Variants in COL21A1 observed in about 807,000 individuals in gnomAD.
The protein encoded by COL21A1 is collagen alpha-1(XXI) chain.
COL21A1 carries 149 observed loss-of-function variants against 137.9 expected under a neutral mutation model. That is an observed-to-expected ratio of 1.08 (90% CI 0.95 to 1.24). The LOEUF is 1.24. Among genes scored for constraint, COL21A1 ranks in the 50% most tolerant of loss-of-function variants. The pLI is 0.00. For synonymous variants in COL21A1, 456 were observed against 391.5 expected, an observed-to-expected ratio of 1.16 and a Z score of -1.95; for missense variants, 1,167 against 1,158.4, an observed-to-expected ratio of 1.01 and a Z score of -0.11.
intron 3 of COL21A1, 76 bp from the exon 4 acceptor site, chr6:56,171,204 C>G: frequency 1.0e-6 from 1 of 956,952 alleles, no homozygotes; most frequent in Non-Finnish European, 1.6e-6. Flanking sequence ...GGGAGAAATA[C>G]TAGACAATAT....
intron 1 of COL21A1, among the ~76,000 whole-genome samples, chr6:56,374,998 C>T (rs1447715121): frequency 6.6e-6 from 1 of 152,068 alleles, no homozygotes; most frequent in Non-Finnish European, 1.5e-5. Flanking sequence ...GTGTCACTGT[C>T]CCAGAGAACA....
intron 1 of COL21A1, among the ~76,000 whole-genome samples, chr6:56,203,794 C>CA (rs769973259): frequency 3.3e-5 from 5 of 152,216 alleles, no homozygotes; most frequent in Non-Finnish European, 5.9e-5. Context: ...ACTGGTTGGA[C>CA]AGTGGGTGCA....
At chr6:56,239,672 T>C (rs974226155) in intron 1 of COL21A1, among the ~76,000 whole-genome samples, 14 of 152,276 alleles carry the variant, frequency 9.2e-5, no homozygotes, top group Non-Finnish European at 1.6e-4. Flanking sequence ...GAGTTTACAA[T>C]TTGTTTGGAA....
At chr6:56,323,122 C>T (rs1041170905) in intron 1 of COL21A1, among the ~76,000 whole-genome samples, 4 of 151,962 alleles carry the variant, frequency 2.6e-5, no homozygotes, top group African/African-American at 7.2e-5. Flanking sequence ...TTTACCACTA[C>T]ACAATATATC....
intron 12 of COL21A1, among the ~76,000 whole-genome samples, chr6:56,127,517 G>A (rs1047641040): frequency 2.0e-5 from 3 of 152,002 alleles, no homozygotes; most frequent in African/African-American, 7.3e-5. Flanking sequence ...TCTTGTTTAG[G>A]GGAATATAAT....
chr6:56,278,306 T>A (rs1763714944), intron 1 of COL21A1, among the ~76,000 whole-genome samples: 1 of 152,224 alleles, frequency 6.6e-6, no homozygotes, highest in Non-Finnish European at 1.5e-5. Context: ...TTACACTTAA[T>A]GATCTCCAAA....
chr6:56,315,315 G>C (rs753866443), intron 1 of COL21A1, among the ~76,000 whole-genome samples: 1 of 152,142 alleles, frequency 6.6e-6, no homozygotes, highest in Non-Finnish European at 1.5e-5. Flanking sequence ...GAACACATAG[G>C]CTGACCAGTC....
chr6:56,080,734 A>T (rs1057368028), intron 17 of COL21A1, among the ~76,000 whole-genome samples: 1 of 151,998 alleles, frequency 6.6e-6, no homozygotes, highest in East Asian at 1.9e-4. Context: ...AATGGTAGAG[A>T]TATTTAATAT....
At chr6:56,276,848 G>A (rs1337654139) in intron 1 of COL21A1, 9 of 656,826 alleles carry the variant, frequency 1.4e-5, no homozygotes, top group East Asian at 2.9e-5. Context: ...TCGCTCTGTC[G>A]CCCAGGCTGG....
intron 1 of COL21A1, among the ~76,000 whole-genome samples, chr6:56,326,838 G>T (rs1272775071): frequency 6.6e-6 from 1 of 151,946 alleles, no homozygotes; most frequent in Non-Finnish European, 1.5e-5. Context: ...ACAATGGTGG[G>T]CAACACAGGA....
intron 10 of COL21A1, among the ~76,000 whole-genome samples, chr6:56,142,284 C>T (rs2076474): frequency 0.15 from 22,982 of 151,994 alleles, 1,765 homozygotes; most frequent in Middle Eastern, 0.23. Flanking sequence ...CTGGATTTAT[C>T]AGAAATACAT....
rs138875074 is a variant in COL21A1 at position 56,206,066 on chromosome 6, C to T, written c.-38-23410G>A. On this transcript the variant is annotated intron_variant, in intron 1 of 29. Transcript: ENST00000244728. ...AAAGACCATTGACACTATGAAGAAA[C>T]TGCATCAACTAACGGGCAAAATAAG... Among the ~76,000 whole-genome samples, 445 of 152,242 alleles carry T rather than the reference C, an allele frequency of 2.9e-3. 3 individuals are homozygous for T. The highest frequency in any genetic ancestry group is 0.01 in the African/African-American group (418 of 41,534).
At chr6:56,221,822 A>C (rs1160599935) in intron 1 of COL21A1, among the ~76,000 whole-genome samples, 1 of 152,152 alleles carries the variant, frequency 6.6e-6, no homozygotes, top group Admixed American at 6.6e-5. Context: ...TTCCATGGTA[A>C]TGCTTCTATT....
intron 7 of COL21A1, among the ~76,000 whole-genome samples, chr6:56,166,246 G>T (rs1050654905): frequency 6.6e-6 from 1 of 151,924 alleles, no homozygotes; most frequent in African/African-American, 2.4e-5. Flanking sequence ...ATTATATTAA[G>T]TATAATAATG....
intron 10 of COL21A1, among the ~76,000 whole-genome samples, chr6:56,143,042 G>C (rs1774539292): frequency 6.6e-6 from 1 of 151,988 alleles, no homozygotes; most frequent in Admixed American, 6.6e-5. Context: ...ACATTTTCAA[G>C]TATCCTTTCT....
At chr6:56,128,865 T>C (rs1773268354) in intron 12 of COL21A1, among the ~76,000 whole-genome samples, 1 of 151,982 alleles carries the variant, frequency 6.6e-6, no homozygotes, top group African/African-American at 2.4e-5. Flanking sequence ...CTGTTGGCCA[T>C]GGTGGTCTCA....
chr6:56,278,714 GCT>G, intron 1 of COL21A1, among the ~76,000 whole-genome samples: 1 of 152,164 alleles, frequency 6.6e-6, no homozygotes, highest in Middle Eastern at 3.2e-3. Context: ...AGAAAATGAG[GCT>G]CATGGCAGCA....
At chr6:56,207,692 G>A (rs7742633) in intron 1 of COL21A1, among the ~76,000 whole-genome samples, 15,039 of 152,096 alleles carry the variant, frequency 0.099, 911 homozygotes, top group African/African-American at 0.17. Context: ...TATGAGGCCA[G>A]CATCATCCTG....
At chr6:56,175,257 C>T (rs1440085320) in intron 3 of COL21A1, among the ~76,000 whole-genome samples, 2 of 152,004 alleles carry the variant, frequency 1.3e-5, no homozygotes, top group East Asian at 3.8e-4. Context: ...CTAATTTCAC[C>T]ACTTCTATTC....
Sources: gnomAD v4.1 joint callset for allele counts (sites outside exome capture counted in the v4.1 genomes callset) on GRCh38, gnomAD v4.1.1 for gene constraint, MANE v1.5 for transcripts, NCBI Gene and HGNC (gene_info 2026-07-23, HGNC 2026-07-21) for gene names.